ROBO1: variants seen among roughly 807,000 people sequenced by gnomAD.
ROBO1 encodes roundabout guidance receptor 1, also known as roundabout homolog 1.
A neutral mutation model predicts 195.9 loss-of-function variants in ROBO1; 149 were observed. That is an observed-to-expected ratio of 0.76 (90% CI 0.67 to 0.87). The LOEUF (loss-of-function observed/expected upper bound fraction) is 0.87. ROBO1 is among the 40% of genes least tolerant of loss of function. The pLI, the probability that ROBO1 is intolerant of heterozygous loss-of-function variation, is 0.00. For missense variants in ROBO1, 1,933 were observed against 2,068.3 expected, an observed-to-expected ratio of 0.93 and a Z score of 1.27; for synonymous variants, 816 against 733.2, an observed-to-expected ratio of 1.11 and a Z score of -1.82.
intron 4 of ROBO1, among the ~76,000 whole-genome samples, chr3:78,881,034 T>C (rs2036146302): frequency 6.6e-6 from 1 of 152,224 alleles, no homozygotes; most frequent in African/African-American, 2.4e-5. Flanking sequence ...CCATTTCTTA[T>C]GAATATTGGC....
At chr3:78,712,497 T>C (rs2108037664) in intron 8 of ROBO1, among the ~76,000 whole-genome samples, 2 of 152,254 alleles carry the variant, frequency 1.3e-5, no homozygotes, top group Non-Finnish European at 2.9e-5. Flanking sequence ...TCTTTTGCAG[T>C]TGGGAATCAT....
intron 2 of ROBO1, among the ~76,000 whole-genome samples, chr3:79,493,510 T>G (rs1200898819): frequency 6.6e-6 from 1 of 152,052 alleles, no homozygotes; most frequent in Non-Finnish European, 1.5e-5. Flanking sequence ...TTTAAAGGAT[T>G]ACATTGGAAT....
intron 2 of ROBO1, among the ~76,000 whole-genome samples, chr3:79,340,137 G>A (rs545986729): frequency 1.3e-5 from 2 of 152,122 alleles, no homozygotes; most frequent in Non-Finnish European, 1.5e-5. Context: ...TCAAAACCAA[G>A]TTATGCCAAT....
At chr3:79,300,613 C>CA (rs1436294900) in intron 2 of ROBO1, among the ~76,000 whole-genome samples, 1 of 152,194 alleles carries the variant, frequency 6.6e-6, no homozygotes, top group Non-Finnish European at 1.5e-5. Context: ...AGGCGCACTG[C>CA]AGTGGGACTG....
At chr3:79,369,395 G>T (rs553867641) in intron 2 of ROBO1, among the ~76,000 whole-genome samples, 8 of 152,284 alleles carry the variant, frequency 5.3e-5, no homozygotes, top group African/African-American at 1.9e-4. Context: ...TACACAGTTT[G>T]GGAAAAGTCA....
At chr3:79,427,104 C>A (rs926107819) in intron 2 of ROBO1, among the ~76,000 whole-genome samples, 4 of 152,054 alleles carry the variant, frequency 2.6e-5, no homozygotes, top group African/African-American at 9.7e-5. Context: ...TTCCAAGATC[C>A]AAGTCATTTT....
intron 3 of ROBO1, among the ~76,000 whole-genome samples, chr3:79,123,066 TG>T (rs2080149872): frequency 6.6e-6 from 1 of 152,162 alleles, no homozygotes; most frequent in East Asian, 1.9e-4. Flanking sequence ...CTCATATCAA[TG>T]ACTTACGTGA....
At chr3:78,687,701 T>C (rs1403320684) in intron 9 of ROBO1, among the ~76,000 whole-genome samples, 2 of 152,202 alleles carry the variant, frequency 1.3e-5, no homozygotes, top group Non-Finnish European at 2.9e-5. Context: ...CAGAGGTCTC[T>C]GCAGTCTCTA....
chr3:79,236,354 A>C (rs897885439), intron 2 of ROBO1, among the ~76,000 whole-genome samples: 3 of 152,108 alleles, frequency 2.0e-5, no homozygotes, highest in Non-Finnish European at 2.9e-5. Context: ...TTCATGTTCA[A>C]TGTGTGCCAA....
At chr3:79,074,034 T>A (rs1387074359) in intron 3 of ROBO1, among the ~76,000 whole-genome samples, 2 of 151,828 alleles carry the variant, frequency 1.3e-5, no homozygotes, top group Non-Finnish European at 2.9e-5. Flanking sequence ...TACCCTTATT[T>A]AACAATTACT....
chr3:79,052,824 C>T (rs1470327590), intron 3 of ROBO1, among the ~76,000 whole-genome samples: 4 of 152,086 alleles, frequency 2.6e-5, no homozygotes, highest in Admixed American at 2.0e-4. Context: ...GGAGAAACAT[C>T]ATTGGTTCGG....
chr3:79,141,570 T>G (rs890705410), intron 2 of ROBO1, among the ~76,000 whole-genome samples: 5 of 149,176 alleles, frequency 3.4e-5, no homozygotes, highest in African/African-American at 1.2e-4. Flanking sequence ...TGTTGTTGTT[T>G]TTTTTTTTTT....
At chr3:78,791,632 C>T (rs529010311) in intron 4 of ROBO1, among the ~76,000 whole-genome samples, 6 of 152,188 alleles carry the variant, frequency 3.9e-5, no homozygotes, top group South Asian at 2.1e-4. Context: ...CCTAAAAATT[C>T]GTATCTGCGT....
intron 2 of ROBO1, among the ~76,000 whole-genome samples, chr3:79,412,882 T>G (rs1405318316): frequency 1.1e-3 from 66 of 61,416 alleles, no homozygotes; most frequent in African/African-American, 2.5e-3. Flanking sequence ...TGATTTTTTT[T>G]TTTTTTTTTT....
intron 1 of ROBO1, among the ~76,000 whole-genome samples, chr3:79,635,082 C>A (rs1945458745): frequency 6.6e-6 from 1 of 152,136 alleles, no homozygotes. Flanking sequence ...TTGAAGATTT[C>A]CATTTTCTCA....
At chr3:79,239,736 A>C (rs2082477268) in intron 2 of ROBO1, among the ~76,000 whole-genome samples, 1 of 152,132 alleles carries the variant, frequency 6.6e-6, no homozygotes, top group South Asian at 2.1e-4. Flanking sequence ...ATTCTCTTTT[A>C]CATCTGTTTG....
chr3:79,184,363 C>G (rs2081398555), intron 2 of ROBO1, among the ~76,000 whole-genome samples: 1 of 152,136 alleles, frequency 6.6e-6, no homozygotes, highest in Admixed American at 6.6e-5. Context: ...GCTCTGCTCT[C>G]ATTTAAGACT....
chr3:79,261,375 T>C (rs1357050517), intron 2 of ROBO1, among the ~76,000 whole-genome samples: 1 of 152,068 alleles, frequency 6.6e-6, no homozygotes, highest in Non-Finnish European at 1.5e-5. Flanking sequence ...GGGTTGTATA[T>C]ATTCAGTGTA....
At chr3:79,064,249 G>C (rs945954304) in intron 3 of ROBO1, among the ~76,000 whole-genome samples, 1 of 151,474 alleles carries the variant, frequency 6.6e-6, no homozygotes, top group Non-Finnish European at 1.5e-5. Context: ...AAAAATATTA[G>C]GTCTGAAAAA....
Sources: gnomAD v4.1 joint callset for allele counts (sites outside exome capture counted in the v4.1 genomes callset) on GRCh38, gnomAD v4.1.1 for gene constraint, MANE v1.5 for transcripts, NCBI Gene and HGNC (gene_info 2026-07-23, HGNC 2026-07-21) for gene names.